Variants in AMZ1 observed in about 807,000 individuals in gnomAD.
AMZ1 encodes archaemetzincin-1.
Under a neutral mutation model 29.9 loss-of-function variants are expected in AMZ1, and 39 were observed. The ratio of observed to expected loss-of-function variants is 1.30; its 90% CI spans 1.01 to 1.70. The LOEUF is 1.70. Ranked by LOEUF, AMZ1 falls within the 40% of genes most tolerant of loss-of-function variation. The pLI, the probability that AMZ1 is intolerant of heterozygous loss-of-function variation, is 0.00. For missense variants in AMZ1, 1,041 were observed against 680.6 expected (o/e 1.53, Z -5.89); for synonymous variants, 458 against 304.0 (o/e 1.51, Z -5.27).
Position 2,727,344 on chromosome 7 carries a change from T to C in AMZ1, n.550+17528T>C, listed in dbSNP as rs141166197. Among the ~76,000 whole-genome samples the C allele has an allele frequency of 3.8e-3, 580 of 152,262 alleles. 5 individuals carry two copies. Among genetic ancestry groups the C allele is most frequent in the African/African-American group, 0.013 (537 of 41,552 alleles). On this transcript the variant is annotated intron_variant and non_coding_transcript_variant, in intron 4 of 4. Coordinates refer to the AMZ1 transcript ENST00000489665. Reference sequence around the variant, plus strand: ...ATCCGCTCGCCTCGGACTCTCAAAGTGCTGGGATTACAGGCATGAGCCACT... The same window carrying C: ...ATCCGCTCGCCTCGGACTCTCAAAGCGCTGGGATTACAGGCATGAGCCACT...
chr7:2,727,607 T>C (rs1361239345), intron 4 of AMZ1, among the ~76,000 whole-genome samples: 3 of 152,118 alleles, frequency 2.0e-5, no homozygotes, highest in Non-Finnish European at 4.4e-5. Flanking sequence ...ACTCAAGCAA[T>C]TCTCCCACCT....
Position 2,731,794 on chromosome 7 carries a change from A to G in AMZ1, n.550+21978A>G, listed in dbSNP as rs779512222. ...GGCAGAAATTTAGGGGGAGGAAGAA[A>G]GAACAGAGAAAATAGAAACAAAAAG... On this transcript the variant is annotated intron_variant and non_coding_transcript_variant, in intron 4 of 4. Transcript: ENST00000489665. This position sits in a 1 kb window ranked among gnomAD's most constrained non-coding sequence, Gnocchi z 6.0. 5 of 1,020,702 alleles carry G rather than the reference A, an allele frequency of 4.9e-6. No individual in the cohort carries two copies. In the South Asian group the frequency reaches 1.1e-4, roughly 23 times the overall value. 63.2% of individuals were successfully genotyped at this position (1,020,702 alleles called of 1,614,324 possible).
At chr7:2,737,269 G>GT (rs1317020597) in intron 4 of AMZ1, among the ~76,000 whole-genome samples, 434 of 38,068 alleles carry the variant, frequency 0.011, 23 homozygotes, top group South Asian at 0.016. Context: ...TCACAGTTTT[G>GT]TTTTGTTTTT....
chr7:2,759,748 A>C (rs1192043092), upstream of AMZ1, among the ~76,000 whole-genome samples: 1 of 152,236 alleles, frequency 6.6e-6, no homozygotes, highest in Non-Finnish European at 1.5e-5. Flanking sequence ...AAAAAGAGCA[A>C]AAGAGAAAAA....
chr7:2,739,650 G>A (rs1237650761), intron 4 of AMZ1, among the ~76,000 whole-genome samples: 1 of 152,108 alleles, frequency 6.6e-6, no homozygotes, highest in Non-Finnish European at 1.5e-5. Context: ...TATACACCTA[G>A]GAGTGAAACT....
At chr7:2,682,817 T>C (rs1323553492) in intron 1 of AMZ1, among the ~76,000 whole-genome samples, 2 of 145,108 alleles carry the variant, frequency 1.4e-5, no homozygotes, top group Non-Finnish European at 3.0e-5. Context: ...CCTGCACCCA[T>C]CTTTGCCCAG....
At chr7:2,729,791 AG>A (rs1283011606) in intron 4 of AMZ1, 1 of 152,416 alleles carries the variant, frequency 6.6e-6, no homozygotes, top group African/African-American at 2.4e-5. Context: ...CACACTAGGC[AG>A]GATTTCTCAG....
chr7:2,689,526 G>A (rs1787262306), intron 1 of AMZ1, among the ~76,000 whole-genome samples: 1 of 152,190 alleles, frequency 6.6e-6, no homozygotes, highest in Admixed American at 6.5e-5. Context: ...CCCTGTCCCC[G>A]TCAGAACATC....
intron 2 of AMZ1, among the ~76,000 whole-genome samples, chr7:2,701,091 TGTG>T (rs374547276): frequency 1.1e-3 from 164 of 152,138 alleles, no homozygotes; most frequent in African/African-American, 3.8e-3. Context: ...TCACGCCGGG[TGTG>T]GTGGTGCACA....
At position 2,688,289 on chromosome 7, in the gene AMZ1, A is replaced by G. The variant is rs1787170358; in HGVS notation, c.-226A>G. 6.6e-6 allele frequency: 1 copy of G among 151,378 alleles called. No homozygotes were observed. The highest frequency in any genetic ancestry group is 2.1e-4 in the South Asian group (1 of 4,822). The allele number at this position is 151,378 out of a possible 1,614,324, so 9.4% of individuals were successfully genotyped here. A position where few individuals can be genotyped will look rare whatever the true frequency, so the allele number is the denominator to read the frequency against. ...CTCTGCCGGCTCCGGCGGGCGCGGG[A>G]CTGCGAGGTAGGGGGGCGCGCGGGG... On this transcript the variant is annotated 5_prime_UTR_variant, in exon 1 of 7. Coordinates refer to ENST00000683327, the MANE Select transcript of AMZ1 (RefSeq NM_001384743.1).
chr7:2,695,111 T>C (rs1025602095), intron 1 of AMZ1, among the ~76,000 whole-genome samples: 5 of 152,234 alleles, frequency 3.3e-5, no homozygotes, highest in Non-Finnish European at 5.9e-5. Context: ...CGGCTCCTCC[T>C]TGCTCAGCCT....
Position 2,700,764 on chromosome 7 carries a change from C to G in AMZ1, c.304+9C>G. ...CTACCTACAGCCGATAGGTACGGGA[C>G]GCCTGCAGCCATCGGCACGCTCCTG... On this transcript the variant is annotated intron_variant, in intron 2 of 6. Coordinates refer to ENST00000683327, the MANE Select transcript of AMZ1 (RefSeq NM_001384743.1). 1 of 1,608,590 alleles carries G rather than the reference C, an allele frequency of 6.2e-7. No homozygotes were observed. The highest frequency in any genetic ancestry group is 1.1e-5 in the South Asian group (1 of 90,994).
chr7:2,754,999 C>T (rs983499334), intron 4 of AMZ1, among the ~76,000 whole-genome samples: 1 of 152,164 alleles, frequency 6.6e-6, no homozygotes, highest in Non-Finnish European at 1.5e-5. Context: ...TTTTTCTTCC[C>T]TACAGAGACA....
At chr7:2,725,164 C>T (rs1789568018) in intron 4 of AMZ1, among the ~76,000 whole-genome samples, 1 of 152,196 alleles carries the variant, frequency 6.6e-6, no homozygotes, top group South Asian at 2.1e-4. Context: ...AGCTTATCTG[C>T]CAGGGACTAG....
rs1392591589 is a variant in AMZ1, at chr7:2,715,138, C to G, written c.*2260C>G. ...GGACATCGGGAGGGTCAGATGGAAG[C>G]TCTGTGGCCTTTCCTAACTCGGCCT... On this transcript the variant is annotated 3_prime_UTR_variant, in exon 7 of 7. Transcript: ENST00000683327. 6.6e-6 allele frequency: 1 copy of G among 152,206 alleles called. No individual in the cohort carries two copies. The highest frequency in any genetic ancestry group is 2.1e-4 in the South Asian group (1 of 4,830). The allele number at this position is 152,206 out of a possible 1,614,324, so 9.4% of individuals were successfully genotyped here.
chr7:2,704,128 A>T (rs1692059678), intron 3 of AMZ1, among the ~76,000 whole-genome samples: 1 of 152,210 alleles, frequency 6.6e-6, no homozygotes, highest in African/African-American at 2.4e-5. Context: ...TGACCGCATG[A>T]TCTGCCTGCA....
chr7:2,731,822 G>A lies in AMZ1; in HGVS notation n.550+22006G>A. 2.5e-6 allele frequency: 2 copies of A among 785,262 alleles called. No homozygotes were observed. Among genetic ancestry groups the A allele is most frequent in the Non-Finnish European group, 3.8e-6 (2 of 527,958 alleles). The allele number at this position is 785,262 out of a possible 1,614,324, so 48.6% of individuals were successfully genotyped here. A position where few individuals can be genotyped will look rare whatever the true frequency, so the allele number is the denominator to read the frequency against. On this transcript the variant is annotated intron_variant and non_coding_transcript_variant, in intron 4 of 4. Transcript: ENST00000489665. This position sits in a 1 kb window ranked among gnomAD's most constrained non-coding sequence, Gnocchi z 6.0. ...ACAGAGAAAATAGAAACAAAAAGAT[G>A]GCAAAAAGATAAGAAGGAAAGAGAC...
chr7:2,722,252 G>A (rs2115246720), downstream of AMZ1, among the ~76,000 whole-genome samples: 1 of 151,166 alleles, frequency 6.6e-6, no homozygotes, highest in South Asian at 2.1e-4. Flanking sequence ...TTCAAATGGA[G>A]TTAAGAAAAA....
chr7:2,720,908 G>C (rs1345840445), downstream of AMZ1, among the ~76,000 whole-genome samples: 1 of 152,076 alleles, frequency 6.6e-6, no homozygotes, highest in Non-Finnish European at 1.5e-5. Flanking sequence ...TGAACTCCTG[G>C]GCTCAGGCAA....
Sources: allele counts gnomAD v4.1 joint callset (sites outside exome capture counted in the v4.1 genomes callset), GRCh38; gene constraint gnomAD v4.1.1; non-coding constraint Gnocchi (gnomAD v3.1); transcripts MANE v1.5; gene names NCBI Gene and HGNC (gene_info 2026-07-23, HGNC 2026-07-21).